RBFOX1: variants seen among roughly 807,000 people sequenced by gnomAD.
RBFOX1 encodes the protein RNA binding protein fox-1 homolog 1.
In RBFOX1, 8 loss-of-function variants were observed where a neutral mutation model predicts 57.7. That is an observed-to-expected ratio of 0.14 (90% CI 0.08 to 0.25). The LOEUF is 0.25. Among genes scored for constraint, RBFOX1 ranks in the 10% least tolerant of loss-of-function variants. The pLI is 1.00. For missense variants in RBFOX1, 611 were observed against 548.5 expected (o/e 1.11, Z -1.14); for synonymous variants, 326 against 222.4 (o/e 1.47, Z -4.15).
chr16:7,031,610 G>C (rs73538953), intron 3 of RBFOX1, among the ~76,000 whole-genome samples: 35 of 140,920 alleles, frequency 2.5e-4, no homozygotes, highest in Non-Finnish European at 4.8e-4. Flanking sequence ...AAAAAAAAAA[G>C]AAAGAAAAGA....
chr16:7,356,944 C>A (rs932881031), intron 4 of RBFOX1, among the ~76,000 whole-genome samples: 3 of 152,170 alleles, frequency 2.0e-5, no homozygotes, highest in Non-Finnish European at 2.9e-5. Context: ...GAGATCAAGT[C>A]TTGTTGCCTC....
At chr16:6,124,104 C>T (rs183322165) in intron 1 of RBFOX1, among the ~76,000 whole-genome samples, 7 of 152,266 alleles carry the variant, frequency 4.6e-5, no homozygotes, top group Non-Finnish European at 1.0e-4. Flanking sequence ...TGGAACTCAC[C>T]CTTCTGGGTG....
intron 2 of RBFOX1, among the ~76,000 whole-genome samples, chr16:6,452,081 T>C (rs1309912742): frequency 6.8e-6 from 1 of 146,372 alleles, no homozygotes. Context: ...CATGACTCCA[T>C]CCATGGCTCC....
chr16:7,023,217 C>T (rs564334123), intron 3 of RBFOX1, among the ~76,000 whole-genome samples: 1 of 152,002 alleles, frequency 6.6e-6, no homozygotes, highest in South Asian at 2.1e-4. Context: ...TAGCTCATGA[C>T]TATAATCCTA....
intron 4 of RBFOX1, among the ~76,000 whole-genome samples, chr16:7,093,400 G>C (rs958550931): frequency 6.6e-6 from 1 of 152,088 alleles, no homozygotes; most frequent in African/African-American, 2.4e-5. Context: ...TGTTTTTCTT[G>C]CATACCCAGC....
At chr16:6,703,177 A>C (rs2062120972) in intron 3 of RBFOX1, among the ~76,000 whole-genome samples, 1 of 152,124 alleles carries the variant, frequency 6.6e-6, no homozygotes, top group South Asian at 2.1e-4. Flanking sequence ...TTCTCTGTTG[A>C]TAGACATTTG....
At chr16:5,909,763 G>A (rs1309046344) in intron 4 of RBFOX1, among the ~76,000 whole-genome samples, 2 of 152,158 alleles carry the variant, frequency 1.3e-5, no homozygotes, top group African/African-American at 2.4e-5. Flanking sequence ...GAAATTTTTA[G>A]CAACGTGGCT....
At chr16:5,906,502 A>C (rs1299513957) in intron 4 of RBFOX1, among the ~76,000 whole-genome samples, 2 of 151,978 alleles carry the variant, frequency 1.3e-5, no homozygotes, top group Admixed American at 6.5e-5. Context: ...TTGCACTTCC[A>C]GCCTCCAGAA....
chr16:6,884,474 A>C (rs868137704), intron 3 of RBFOX1, among the ~76,000 whole-genome samples: 1 of 152,224 alleles, frequency 6.6e-6, no homozygotes, highest in African/African-American at 2.4e-5. Context: ...ATTAGTGGCT[A>C]CAAACTGTTA....
chr16:5,459,682 T>C (rs2068732813), intron 1 of RBFOX1, among the ~76,000 whole-genome samples: 1 of 152,082 alleles, frequency 6.6e-6, no homozygotes, highest in African/African-American at 2.4e-5. Context: ...TGAGAGGTCA[T>C]GATCTTAACC....
chr16:7,317,974 G>C (rs1401757473), intron 4 of RBFOX1, among the ~76,000 whole-genome samples: 2 of 152,112 alleles, frequency 1.3e-5, no homozygotes, highest in Non-Finnish European at 2.9e-5. Context: ...GGTGGTGATG[G>C]TGGTGGTGAT....
chr16:7,049,876 T>C (rs895125897), intron 3 of RBFOX1, among the ~76,000 whole-genome samples: 6 of 152,336 alleles, frequency 3.9e-5, no homozygotes, highest in South Asian at 4.1e-4. Flanking sequence ...AAATAAAATT[T>C]ACCTTTTTTA....
intron 4 of RBFOX1, among the ~76,000 whole-genome samples, chr16:5,970,494 T>C (rs2059940729): frequency 6.6e-6 from 1 of 152,144 alleles, no homozygotes; most frequent in Non-Finnish European, 1.5e-5. Flanking sequence ...TTCTCTAGGT[T>C]CTAAGCCAGA....
At chr16:5,943,120 C>T (rs1375492653) in intron 4 of RBFOX1, among the ~76,000 whole-genome samples, 1 of 152,206 alleles carries the variant, frequency 6.6e-6, no homozygotes, top group African/African-American at 2.4e-5. Context: ...TGGACCTCAG[C>T]ACCCAGACAC....
intron 2 of RBFOX1, among the ~76,000 whole-genome samples, chr16:6,409,645 C>G (rs1202576467): frequency 6.6e-6 from 1 of 151,946 alleles, no homozygotes. Flanking sequence ...CCTGAATGAA[C>G]AAAATAATAT....
At chr16:6,461,372 C>T (rs1429487708) in intron 2 of RBFOX1, among the ~76,000 whole-genome samples, 1 of 152,178 alleles carries the variant, frequency 6.6e-6, no homozygotes, top group Non-Finnish European at 1.5e-5. Flanking sequence ...CAAATAAGGG[C>T]ACATTCTGAG....
At chr16:5,825,594 C>G (rs1030136051) in intron 3 of RBFOX1, among the ~76,000 whole-genome samples, 1 of 152,066 alleles carries the variant, frequency 6.6e-6, no homozygotes, top group African/African-American at 2.4e-5. Flanking sequence ...ATCATATGAA[C>G]CAATTTAAAG....
intron 3 of RBFOX1, among the ~76,000 whole-genome samples, chr16:6,747,473 TGTTTATC>T (rs2073977987): frequency 6.9e-6 from 1 of 143,906 alleles, no homozygotes; most frequent in African/African-American, 2.7e-5. Flanking sequence ...TCTGTCTGTC[TGTTTATC>T]TATCTGTCTA....
At chr16:6,719,170 A>T (rs1247711071) in intron 3 of RBFOX1, among the ~76,000 whole-genome samples, 1 of 152,132 alleles carries the variant, frequency 6.6e-6, no homozygotes, top group Non-Finnish European at 1.5e-5. Flanking sequence ...CCTGGCTGAG[A>T]TGTGTACATA....
Sources: allele counts gnomAD v4.1 joint callset (sites outside exome capture counted in the v4.1 genomes callset), GRCh38; gene constraint gnomAD v4.1.1; transcripts MANE v1.5; gene names NCBI Gene and HGNC (gene_info 2026-07-23, HGNC 2026-07-21).